MKLN1: variants seen among roughly 807,000 people sequenced by gnomAD.
MKLN1 encodes the protein muskelin.
A neutral mutation model predicts 99.0 loss-of-function variants in MKLN1; 18 were observed. The observed-to-expected ratio is 0.18, with a 90% CI of 0.13 to 0.27. The LOEUF is 0.27. MKLN1 is among the 10% of genes least tolerant of loss of function. The pLI, the probability that MKLN1 is intolerant of heterozygous loss-of-function variation, is 1.00. For synonymous variants in MKLN1, 288 were observed against 293.2 expected, an observed-to-expected ratio of 0.98 and a Z score of 0.18; for missense variants, 621 against 875.9, an observed-to-expected ratio of 0.71 and a Z score of 3.67.
At chr7:131,367,744 A>G (rs748383520) in intron 1 of MKLN1, among the ~76,000 whole-genome samples, 3 of 152,014 alleles carry the variant, frequency 2.0e-5, no homozygotes, top group Non-Finnish European at 2.9e-5. Context: ...TTAGAATTTT[A>G]TTTCTATACT....
At chr7:131,332,921 G>A (rs941150432) in intron 1 of MKLN1, among the ~76,000 whole-genome samples, 1 of 151,568 alleles carries the variant, frequency 6.6e-6, no homozygotes, top group Non-Finnish European at 1.5e-5. Flanking sequence ...ATGCCATCAC[G>A]CCTGGCTAAT....
intron 12 of MKLN1, among the ~76,000 whole-genome samples, chr7:131,450,001 A>G (rs1346426704): frequency 6.6e-6 from 1 of 152,264 alleles, no homozygotes; most frequent in East Asian, 1.9e-4. Flanking sequence ...TCACAAGAGG[A>G]TGTTAATACT....
chr7:131,456,059 AAAG>A, intron 12 of MKLN1, among the ~76,000 whole-genome samples: 1 of 152,088 alleles, frequency 6.6e-6, no homozygotes, highest in Non-Finnish European at 1.5e-5. Flanking sequence ...ACCAAAAAAA[AAAG>A]AGAAAAGAAA....
chr7:131,207,361 C>A (rs1796829129), intron 3 of MKLN1, among the ~76,000 whole-genome samples: 1 of 152,046 alleles, frequency 6.6e-6, no homozygotes, highest in Admixed American at 6.6e-5. Flanking sequence ...CCAGGCCCTG[C>A]TAATTTTTGT....
At chr7:131,121,169 C>T (rs572856698) in intron 1 of MKLN1, among the ~76,000 whole-genome samples, 2 of 152,282 alleles carry the variant, frequency 1.3e-5, no homozygotes, top group African/African-American at 4.8e-5. Flanking sequence ...AAGTGCTACA[C>T]ACACTTTCAA....
chr7:131,254,011 CA>C (rs1797620446), intron 3 of MKLN1, among the ~76,000 whole-genome samples: 1 of 152,138 alleles, frequency 6.6e-6, no homozygotes, highest in Non-Finnish European at 1.5e-5. Flanking sequence ...CAATGTGGAA[CA>C]ATTTACACCC....
intron 3 of MKLN1, among the ~76,000 whole-genome samples, chr7:131,303,109 T>C (rs1309317055): frequency 2.0e-5 from 3 of 152,192 alleles, no homozygotes; most frequent in Non-Finnish European, 4.4e-5. Flanking sequence ...CAAAAAAAAC[T>C]AAGCACTTAT....
intron 9 of MKLN1, among the ~76,000 whole-genome samples, chr7:131,435,000 TTAAA>T (rs1795635632): frequency 6.6e-6 from 1 of 152,182 alleles, no homozygotes; most frequent in Admixed American, 6.6e-5. Flanking sequence ...TTAAGAAAAA[TTAAA>T]TTTCGTACAT....
rs986046789 is a variant in MKLN1, at chr7:131,491,962, C to A, written c.*4234C>A. ...CATTCTGGGGCAAATGCTCTATTAT[C>A]CTTATTTATGACAAGAGAATAATGA... On this transcript the variant is annotated 3_prime_UTR_variant, in exon 18 of 18. Transcript: ENST00000352689. 2.0e-5 allele frequency: 3 copies of A among 152,216 alleles called. No individual in the cohort carries two copies. Among genetic ancestry groups the A allele is most frequent in the African/African-American group, 7.3e-5 (3 of 41,358 alleles). 9.4% of individuals were successfully genotyped at this position (152,216 alleles called of 1,614,324 possible).
chr7:131,147,589 T>C (rs1159062064), intron 2 of MKLN1, among the ~76,000 whole-genome samples: 1 of 152,202 alleles, frequency 6.6e-6, no homozygotes, highest in Non-Finnish European at 1.5e-5. Flanking sequence ...CATTTAATCT[T>C]CTAAGGTAGT....
At chr7:131,222,860 CAAAAAAA>C (rs375317109) in intron 3 of MKLN1, among the ~76,000 whole-genome samples, 7 of 88,612 alleles carry the variant, frequency 7.9e-5, no homozygotes, top group East Asian at 4.3e-4. Context: ...GCTAAAAATA[CAAAAAAA>C]AAAAAAAAAA....
chr7:131,388,529 T>G (rs770847134), intron 3 of MKLN1, among the ~76,000 whole-genome samples: 31 of 152,266 alleles, frequency 2.0e-4, no homozygotes, highest in Non-Finnish European at 4.0e-4. Flanking sequence ...CAGATTTGAC[T>G]GTGAATTATT....
In MKLN1 at chr7:131,399,750, A is replaced by G. The variant is rs1261018001; in HGVS notation, c.703+317A>G. On this transcript the variant is annotated intron_variant, in intron 6 of 17. Transcript: ENST00000352689. ...TAATATTTTGATATTGGTAGCCAAT[A>G]TTCATTAACAGTGTAGTTTTGAGGA... 2.6e-5 allele frequency among the ~76,000 whole-genome samples: 4 copies of G among 152,232 alleles called. No homozygotes were observed. In the East Asian group the frequency reaches 5.8e-4, roughly 22 times the overall value.
At chr7:131,290,235 G>T (rs1798197172) in intron 3 of MKLN1, among the ~76,000 whole-genome samples, 1 of 152,188 alleles carries the variant, frequency 6.6e-6, no homozygotes, top group East Asian at 1.9e-4. Flanking sequence ...AATCCGGGAG[G>T]TAGAGGTTGC....
chr7:131,336,762 G>T (rs1216080106), intron 1 of MKLN1, among the ~76,000 whole-genome samples: 1 of 152,024 alleles, frequency 6.6e-6, no homozygotes. Flanking sequence ...TCATTGTCAT[G>T]CATTTCACGT....
Position 131,222,698 on chromosome 7 carries a change from A to G in MKLN1, c.-179+19724A>G, listed in dbSNP as rs140323083. Among the ~76,000 whole-genome samples the G allele has an allele frequency of 9.9e-5, 15 of 152,172 alleles. 1 individual carries two copies. In the East Asian group the frequency reaches 2.9e-3, roughly 29 times the overall value. ...CCAGGGATAAGGGCACAAGGAAGCC[A>G]TTTCTACCCATATAAACATTTAAAA... On this transcript the variant is annotated intron_variant, in intron 3 of 7. Coordinates refer to the MKLN1 transcript ENST00000416992.
At chr7:131,244,016 AAAAC>A (rs921108677) in intron 3 of MKLN1, among the ~76,000 whole-genome samples, 2 of 152,152 alleles carry the variant, frequency 1.3e-5, no homozygotes, top group Non-Finnish European at 2.9e-5. Context: ...CTGTCTCAAA[AAAAC>A]AAACAAACAA....
rs188182188 is a variant in MKLN1, at chr7:131,169,212, T to C, written c.-297+26271T>C. Among the ~76,000 whole-genome samples the C allele has an allele frequency of 5.0e-4, 76 of 152,338 alleles. No individual in the cohort carries two copies. The East Asian group carries it at 0.014, about 27-fold the overall frequency. ...CCTCATTTTCTCATCTAAAGTCCTA[T>C]GTCCTTAGCCAATACACTAACAAAC... is the stretch of plus-strand genomic sequence containing the variant. On this transcript the variant is annotated intron_variant, in intron 2 of 7. Coordinates refer to the MKLN1 transcript ENST00000416992.
intron 12 of MKLN1, among the ~76,000 whole-genome samples, chr7:131,455,812 G>A (rs566598446): frequency 3.3e-5 from 5 of 152,278 alleles, no homozygotes; most frequent in South Asian, 2.1e-4. Flanking sequence ...TTGGGAGGCC[G>A]AGGCAGGCGA....
Sources: gnomAD v4.1 joint callset for allele counts (sites outside exome capture counted in the v4.1 genomes callset) on GRCh38, gnomAD v4.1.1 for gene constraint, MANE v1.5 for transcripts, NCBI Gene and HGNC (gene_info 2026-07-23, HGNC 2026-07-21) for gene names.